PCDHGA7: variants seen among roughly 807,000 people sequenced by gnomAD.
PCDHGA7 encodes protocadherin gamma-A7.
Under a neutral mutation model 58.3 loss-of-function variants are expected in PCDHGA7, and 44 were observed. That is an observed-to-expected ratio of 0.75 (90% confidence interval 0.59 to 0.97). PCDHGA7 has a LOEUF of 0.97. Ranked by LOEUF, PCDHGA7 falls within the 50% of genes least tolerant of loss-of-function variation. PCDHGA7 has a pLI of 0.00. For missense variants in PCDHGA7, 1,266 were observed against 1,188.7 expected, an observed-to-expected ratio of 1.06 and a Z score of -0.96; for synonymous variants, 516 against 504.2, an observed-to-expected ratio of 1.02 and a Z score of -0.31.
rs762433242 is a variant in PCDHGA7, at chr5:141,476,856, C to A, written c.2425-17951C>A. 2.5e-6 allele frequency: 4 copies of A among 1,613,762 alleles called. No individual in the cohort carries two copies. In the East Asian group the frequency reaches 6.7e-5, roughly 27 times the overall value. ...GACAATGCGCCTGTCTTCAACCAGTCCTTGTACCGGGCGCGCGTCCTGGAG... is the reference window on the plus strand; with the variant it reads ...GACAATGCGCCTGTCTTCAACCAGTACTTGTACCGGGCGCGCGTCCTGGAG... On this transcript the variant is annotated intron_variant, in intron 1 of 3. Coordinates refer to ENST00000518325, the MANE Select transcript of PCDHGA7 (RefSeq NM_018920.4). This position sits in a 1 kb window ranked among gnomAD's most constrained non-coding sequence, Gnocchi z 7.6.
intron 1 of PCDHGA7, among the ~76,000 whole-genome samples, chr5:141,472,527 G>A (rs905459978): frequency 1.3e-5 from 2 of 151,468 alleles, no homozygotes; most frequent in African/African-American, 4.9e-5. Flanking sequence ...GTGACAGAGT[G>A]AGACACCATC....
intron 1 of PCDHGA7, chr5:141,410,596 T>C: frequency 1.2e-6 from 2 of 1,608,810 alleles, no homozygotes; most frequent in Non-Finnish European, 1.7e-6. Flanking sequence ...AGGATTTGAC[T>C]TCACATCCTG....
In PCDHGA7 at chr5:141,490,267, G is replaced by A. The variant is rs765238578; in HGVS notation, c.2425-4540G>A. ...TGTGATTCAAGTGGATGTGGGGGAT[G>A]TCAATGACAATGCCCCAGAGGTGCT... On this transcript the variant is annotated intron_variant, in intron 1 of 3. Transcript: ENST00000518325. The surrounding 1 kb of genome is among the most constrained non-coding windows in gnomAD (Gnocchi z 5.4). The A allele has an allele frequency of 6.2e-7, 1 of 1,614,242 alleles. No homozygotes were observed. The highest frequency in any genetic ancestry group is 1.1e-5 in the South Asian group (1 of 91,084).
chr5:141,453,746 T>C (rs1345046460), intron 1 of PCDHGA7, among the ~76,000 whole-genome samples: 1 of 152,254 alleles, frequency 6.6e-6, no homozygotes, highest in Non-Finnish European at 1.5e-5. Flanking sequence ...TTAAATAACA[T>C]AAGTCTCCTA....
rs768847018 is a variant in PCDHGA7 at position 141,431,426 on chromosome 5, A to C, written c.2424+46103A>C. On this transcript the variant is annotated intron_variant, in intron 1 of 3. Transcript: ENST00000518325. The surrounding 1 kb of genome is among the most constrained non-coding windows in gnomAD (Gnocchi z 4.8). ...CTCCGACGGGGGCGACCCGGTGCGCACAGGCACCGCGCGCATCCGCGTGAT... is the reference window on the plus strand; with the variant it reads ...CTCCGACGGGGGCGACCCGGTGCGCCCAGGCACCGCGCGCATCCGCGTGAT... 6.2e-7 allele frequency: 1 copy of C among 1,613,666 alleles called. No individual in the cohort carries two copies. The highest frequency in any genetic ancestry group is 1.1e-5 in the South Asian group (1 of 91,078).
chr5:141,505,546 C>T (rs555460173), intron 3 of PCDHGA7, 65 bp downstream of exon 3: 36 of 1,608,242 alleles, frequency 2.2e-5, no homozygotes, highest in South Asian at 7.7e-5. Context: ...CATCTCACAG[C>T]CACCATGCCC....
intron 1 of PCDHGA7, chr5:141,390,022 T>A (rs1206102918): frequency 2.5e-6 from 4 of 1,613,928 alleles, no homozygotes; most frequent in Non-Finnish European, 3.4e-6. Context: ...GCCTTGCGCC[T>A]GCGACGCTCC....
At chr5:141,401,935 T>C (rs1026278615) in intron 1 of PCDHGA7, among the ~76,000 whole-genome samples, 4 of 152,240 alleles carry the variant, frequency 2.6e-5, no homozygotes, top group African/African-American at 9.6e-5. Flanking sequence ...CTTAGAATAA[T>C]GTTTAAGACC....
chr5:141,421,880 G>A (rs761272704), intron 1 of PCDHGA7: 3 of 1,613,600 alleles, frequency 1.9e-6, no homozygotes, highest in East Asian at 4.5e-5. Flanking sequence ...GCTTTAGATG[G>A]AGGCGATCCC....
At chr5:141,478,108 G>A (rs1160328367) in intron 1 of PCDHGA7, 1 of 1,614,046 alleles carries the variant, frequency 6.2e-7, no homozygotes, top group Admixed American at 1.7e-5. Flanking sequence ...CCCTCACTGT[G>A]TCAGTAACCG....
rs1298448753 is a variant in PCDHGA7 at position 141,486,417 on chromosome 5, G to A, written c.2425-8390G>A. 1 of 1,614,132 alleles carries A rather than the reference G, an allele frequency of 6.2e-7. No individual in the cohort carries two copies. Among genetic ancestry groups the A allele is most frequent in the Non-Finnish European group, 8.5e-7 (1 of 1,179,998 alleles). ...CTGGTGACTGCTGGACCCTTGGATC[G>A]AGAGGCCAAATCTAGCTATGACATC... On this transcript the variant is annotated intron_variant, in intron 1 of 3. Transcript: ENST00000518325. The surrounding 1 kb of genome is among the most constrained non-coding windows in gnomAD (Gnocchi z 5.0).
In PCDHGA7 at chr5:141,413,412, C is replaced by T. The variant is rs747352426; in HGVS notation, c.2424+28089C>T. ...TCTCCAGAGGTAGGACGCAGCTTTT[C>T]TCTCTGAACCCGCGCAGCGGCAGCT... On this transcript the variant is annotated intron_variant, in intron 1 of 3. Transcript: ENST00000518325. 5.6e-6 allele frequency: 9 copies of T among 1,613,954 alleles called. No individual in the cohort carries two copies. The African/African-American group carries it at 1.2e-4, about 22-fold the overall frequency.
At chr5:141,427,929 T>A in intron 1 of PCDHGA7, 1 of 1,582,776 alleles carries the variant, frequency 6.3e-7, no homozygotes, top group South Asian at 1.1e-5. Flanking sequence ...CCGGCGCATG[T>A]TGGTGGGCGA....
At chr5:141,413,528 T>C in intron 1 of PCDHGA7, 1 of 1,613,834 alleles carries the variant, frequency 6.2e-7, no homozygotes, top group Non-Finnish European at 8.5e-7. Context: ...GAAGACAGGG[T>C]GAAACTTTTT....
At chr5:141,425,624 G>T (rs1007643604) in intron 1 of PCDHGA7, among the ~76,000 whole-genome samples, 1 of 152,184 alleles carries the variant, frequency 6.6e-6, no homozygotes, top group African/African-American at 2.4e-5. Flanking sequence ...TGCTCCTCCA[G>T]TTTTCTCTGA....
At chr5:141,484,425 A>G (rs2099596309) in intron 1 of PCDHGA7, among the ~76,000 whole-genome samples, 3 of 152,192 alleles carry the variant, frequency 2.0e-5, no homozygotes, top group African/African-American at 7.2e-5. Flanking sequence ...TACAATGAGA[A>G]CATGTACTGC....
rs1030000451 is a variant in PCDHGA7, at chr5:141,432,417, T to G, written c.2424+47094T>G. 2.5e-6 allele frequency: 4 copies of G among 1,614,124 alleles called. No individual in the cohort carries two copies. In the African/African-American group the frequency reaches 5.3e-5, roughly 22 times the overall value. On this transcript the variant is annotated intron_variant, in intron 1 of 3. Coordinates refer to ENST00000518325, the MANE Select transcript of PCDHGA7 (RefSeq NM_018920.4). This position sits in a 1 kb window ranked among gnomAD's most constrained non-coding sequence, Gnocchi z 6.0. The stretch of plus-strand genomic sequence containing the variant: ...AACGTGTCGTTGAGCCTGTTCGTGC[T>G]GGACCAGAACGACAATGCGCCCGAG...
At chr5:141,420,214 C>G (rs1356792048) in intron 1 of PCDHGA7, 1 of 1,611,064 alleles carries the variant, frequency 6.2e-7, no homozygotes, top group Admixed American at 1.7e-5. Context: ...ACAAAGATAG[C>G]ATGCTACTGG....
At chr5:141,394,705 C>G (rs1245348426) in intron 1 of PCDHGA7, 9 of 1,613,256 alleles carry the variant, frequency 5.6e-6, no homozygotes, top group Non-Finnish European at 7.6e-6. Flanking sequence ...ACGGCGCGAG[C>G]CCTGCTGGAC....
Sources: allele counts gnomAD v4.1 joint callset (sites outside exome capture counted in the v4.1 genomes callset), GRCh38; gene constraint gnomAD v4.1.1; non-coding constraint Gnocchi (gnomAD v3.1); transcripts MANE v1.5; gene names NCBI Gene and HGNC (gene_info 2026-07-23, HGNC 2026-07-21).